The following ARHGEF3 variants were observed in gnomAD, a reference collection of about 807,000 sequenced individuals.
ARHGEF3 encodes Rho guanine nucleotide exchange factor 3, also known as 59.8 kDA protein.
In ARHGEF3, 28 loss-of-function variants were observed where a neutral mutation model predicts 63.2. The ratio of observed to expected loss-of-function variants is 0.44; its 90% CI spans 0.33 to 0.61. The LOEUF is 0.61. Among genes scored for constraint, ARHGEF3 ranks in the 20% least tolerant of loss-of-function variants. The pLI is 0.03. For synonymous variants in ARHGEF3, 266 were observed against 254.2 expected, an observed-to-expected ratio of 1.05 and a Z score of -0.44; for missense variants, 533 against 659.3, an observed-to-expected ratio of 0.81 and a Z score of 2.10.
intron 4 of ARHGEF3, among the ~76,000 whole-genome samples, chr3:56,836,813 G>C (rs575703904): frequency 6.6e-6 from 1 of 152,254 alleles, no homozygotes; most frequent in African/African-American, 2.4e-5. Flanking sequence ...TGTAGTCTCA[G>C]CTACCTAGGA....
chr3:56,979,626 G>A (rs1042239587), intron 2 of ARHGEF3, among the ~76,000 whole-genome samples: 5 of 152,196 alleles, frequency 3.3e-5, no homozygotes, highest in African/African-American at 4.8e-5. Flanking sequence ...TCCACATCAC[G>A]ACTGCAGGTG....
chr3:56,805,622 G>A (rs765970237), upstream of ARHGEF3, among the ~76,000 whole-genome samples: 51 of 152,294 alleles, frequency 3.3e-4, no homozygotes, highest in Middle Eastern at 3.4e-3. Flanking sequence ...GAAGGCTGCC[G>A]TATCCATCTT....
intron 1 of ARHGEF3, chr3:56,774,887 CA>C: frequency 1.4e-5 from 14 of 975,036 alleles, no homozygotes; most frequent in Admixed American, 3.7e-5. Flanking sequence ...GACTCTGTGT[CA>C]AAAAAACAAA....
chr3:57,003,401 CAAAAAAA>C (rs60214570), intron 2 of ARHGEF3, among the ~76,000 whole-genome samples: 1,501 of 43,730 alleles, frequency 0.034, 45 homozygotes, highest in African/African-American at 0.14. Context: ...GACGCCGTCT[CAAAAAAA>C]AAAAAAAAAA....
chr3:56,961,820 A>G (rs936967453), intron 2 of ARHGEF3, among the ~76,000 whole-genome samples: 2 of 152,164 alleles, frequency 1.3e-5, no homozygotes, highest in Admixed American at 1.3e-4. Context: ...AGGTGGGAGG[A>G]TCACTTGAAG....
At chr3:56,809,490 CA>C (rs1307332702) in intron 4 of ARHGEF3, among the ~76,000 whole-genome samples, 2 of 152,030 alleles carry the variant, frequency 1.3e-5, no homozygotes, top group Non-Finnish European at 2.9e-5. Context: ...TCTGGATGCA[CA>C]GTTTGTATAA....
chr3:56,784,923 G>T (rs961845164), intron 1 of ARHGEF3, among the ~76,000 whole-genome samples: 2 of 152,180 alleles, frequency 1.3e-5, no homozygotes, highest in African/African-American at 2.4e-5. Context: ...TCACAGAGTT[G>T]TTGGGAGGAT....
intron 2 of ARHGEF3, among the ~76,000 whole-genome samples, chr3:56,762,275 T>A (rs1351399689): frequency 6.6e-6 from 1 of 151,912 alleles, no homozygotes; most frequent in Non-Finnish European, 1.5e-5. Context: ...GGGACCGGAG[T>A]GAAAAATATT....
chr3:56,734,549 A>G (rs2107692176), intron 8 of ARHGEF3, among the ~76,000 whole-genome samples: 1 of 152,348 alleles, frequency 6.6e-6, no homozygotes, highest in African/African-American at 2.4e-5. Context: ...ATATCCTTGT[A>G]ACAAACCTGC....
intron 1 of ARHGEF3, among the ~76,000 whole-genome samples, chr3:56,779,360 G>C (rs1392734722): frequency 6.6e-6 from 1 of 152,178 alleles, no homozygotes; most frequent in Non-Finnish European, 1.5e-5. Context: ...AACAGGACTG[G>C]TCACAGGTTG....
chr3:56,969,353 C>T (rs1456635028), intron 2 of ARHGEF3, among the ~76,000 whole-genome samples: 2 of 113,804 alleles, frequency 1.8e-5, no homozygotes, highest in African/African-American at 6.2e-5. Context: ...TTCATTTGCT[C>T]ATTTATATAA....
At chr3:56,916,107 G>A (rs1010260317) in intron 3 of ARHGEF3, among the ~76,000 whole-genome samples, 1 of 152,158 alleles carries the variant, frequency 6.6e-6, no homozygotes, top group Non-Finnish European at 1.5e-5. Context: ...CAGCCACACA[G>A]TGCTCTTCTG....
chr3:56,968,978 A>G (rs949446339), intron 2 of ARHGEF3, among the ~76,000 whole-genome samples: 1 of 152,200 alleles, frequency 6.6e-6, no homozygotes, highest in African/African-American at 2.4e-5. Context: ...CAACCAAAAT[A>G]CATAAATTGA....
chr3:57,073,195 A>G (rs1362920972), intron 1 of ARHGEF3, among the ~76,000 whole-genome samples: 1 of 152,158 alleles, frequency 6.6e-6, no homozygotes, highest in Non-Finnish European at 1.5e-5. Flanking sequence ...GATCACAAAC[A>G]TTCTCTCTGG....
chr3:57,033,526 A>T (rs1476245299), intron 2 of ARHGEF3, among the ~76,000 whole-genome samples: 1 of 152,166 alleles, frequency 6.6e-6, no homozygotes, highest in African/African-American at 2.4e-5. Context: ...GTATAACAGT[A>T]CATATTTAAA....
At chr3:56,984,445 G>A (rs531903249) in intron 2 of ARHGEF3, among the ~76,000 whole-genome samples, 1 of 152,240 alleles carries the variant, frequency 6.6e-6, no homozygotes, top group Admixed American at 6.5e-5. Flanking sequence ...ATGTTACAAG[G>A]AAGGGAGGGA....
rs1035259530 is a variant in ARHGEF3, at chr3:56,920,979, T to C, written c.129+37844A>G. Among the ~76,000 whole-genome samples the C allele has an allele frequency of 8.1e-5, 11 of 135,304 alleles. No homozygotes were observed. In the East Asian group the frequency reaches 1.2e-3, roughly 15 times the overall value. 88.8% of individuals were successfully genotyped at this position (135,304 alleles called of 152,430 possible). A position where few individuals can be genotyped will look rare whatever the true frequency, so the allele number is the denominator to read the frequency against. ...CTGAGGCAGGAGAATGATGTGAACC[T>C]GGGAGGCGGAGCTTGCAGTGAGCCG... On this transcript the variant is annotated intron_variant, in intron 3 of 12. Coordinates refer to the ARHGEF3 transcript ENST00000338458.
intron 1 of ARHGEF3, among the ~76,000 whole-genome samples, chr3:56,789,020 A>ATGCTGCTGCTGCTGC (rs34620976): frequency 5.5e-4 from 82 of 149,224 alleles, no homozygotes; most frequent in African/African-American, 1.2e-3. Context: ...TTCAAGATAG[A>ATGCTGCTGCTGCTGC]TGCTGCTGCT....
At chr3:57,076,266 A>G (rs1446952481) in intron 1 of ARHGEF3, among the ~76,000 whole-genome samples, 1 of 152,104 alleles carries the variant, frequency 6.6e-6, no homozygotes. Context: ...AACTATGGCA[A>G]TGGCCTTTCT....
Sources: gnomAD v4.1 joint callset for allele counts (sites outside exome capture counted in the v4.1 genomes callset) on GRCh38, gnomAD v4.1.1 for gene constraint, MANE v1.5 for transcripts, NCBI Gene and HGNC (gene_info 2026-07-23, HGNC 2026-07-21) for gene names.